Variants in NBPF14 observed in about 807,000 individuals in gnomAD.
NBPF14 encodes NBPF member 14, also known as NBPF family member NBPF14.
Under a neutral mutation model 91.2 loss-of-function variants are expected in NBPF14, and 104 were observed. That is an observed-to-expected ratio of 1.14 (90% CI 0.97 to 1.34). The LOEUF (loss-of-function observed/expected upper bound fraction) is 1.34. Among genes scored for constraint, NBPF14 ranks in the 40% most tolerant of loss-of-function variants. NBPF14 has a pLI of 0.00. For synonymous variants in NBPF14, 294 were observed against 303.8 expected (o/e 0.97, Z 0.34); for missense variants, 908 against 783.0 (o/e 1.16, Z -1.91).
chr1:148,560,558 A>C lies in NBPF14; in HGVS notation c.4556+26T>G, dbSNP rs1657683224. On this transcript the variant is annotated intron_variant, in intron 36 of 70. Coordinates refer to ENST00000619423, the Ensembl canonical transcript of NBPF14. ...TGCCTCCAGGTGTTAACACAGAATT[A>C]AGCATCCACAATTGCTGAAAGTCAC... 19 of 165,640 alleles carry C rather than the reference A, an allele frequency of 1.1e-4. No individual in the cohort carries two copies. In the African/African-American group the frequency reaches 2.6e-3, roughly 23 times the overall value. 10.3% of individuals were successfully genotyped at this position (165,640 alleles called of 1,614,324 possible).
chr1:148,551,861 G>A (rs1325078378), intron 47 of NBPF14, 115 bp downstream of exon 47: 6 of 6,860 alleles, frequency 8.7e-4, no homozygotes, highest in Admixed American at 9.2e-4. Flanking sequence ...GTGCCTATAG[G>A]TCCTCCCTGT....
At chr1:148,534,141 T>A (rs1361083155) in intron 69 of NBPF14, among the ~76,000 whole-genome samples, 172 bp from the exon 70 acceptor site, 1 of 146,206 alleles carries the variant, frequency 6.8e-6, no homozygotes, top group African/African-American at 2.5e-5. Context: ...AATTCCTCGG[T>A]TTTTCTCCCA....
chr1:148,533,714 T>G (rs2149466878), intron 70 of NBPF14, 147 bp downstream of exon 70: 1 of 709,332 alleles, frequency 1.4e-6, no homozygotes, highest in African/African-American at 1.8e-5. Context: ...AACCTAAACA[T>G]CTACTGCAAT....
In NBPF14 at chr1:148,568,934, G is replaced by C. The variant is rs1187658070; in HGVS notation, c.3265+321C>G. The stretch of plus-strand genomic sequence containing the variant: ...TTTTAGACGCTGAAATTAGAGTGAA[G>C]GATGAAATCTACGAGATCTACAAAA... On this transcript the variant is annotated intron_variant, in intron 25 of 70. Transcript: ENST00000619423. Among the ~76,000 whole-genome samples, 177 of 147,032 alleles carry C rather than the reference G, an allele frequency of 1.2e-3. 1 individual carries two copies. The highest frequency in any genetic ancestry group is 4.2e-3 in the African/African-American group (168 of 40,298).
Position 148,558,180 on chromosome 1 carries a change from C to A in NBPF14, c.4954+72G>T. On this transcript the variant is annotated intron_variant, in intron 39 of 70. Transcript: ENST00000619423. ...ACGTCTCTCGGGTCAGTAAGGGGCA[C>A]TTGGAACAGGAATATCACCCCTATC... 9.2e-6 allele frequency: 2 copies of A among 217,718 alleles called. 1 individual carries two copies. The highest frequency in any genetic ancestry group is 5.3e-5 in the South Asian group (2 of 37,912). The allele number at this position is 217,718 out of a possible 1,614,324, so 13.5% of individuals were successfully genotyped here. A position where few individuals can be genotyped will look rare whatever the true frequency, so the allele number is the denominator to read the frequency against.
chr1:148,534,733 A>T, exon 69 of NBPF14: 3 of 833,088 alleles, frequency 3.6e-6, no homozygotes, highest in Non-Finnish European at 4.2e-6. Context: ...ATGAGTAAAC[A>T]GCACTGCTGT....
chr1:148,566,644 G>A lies in NBPF14; in HGVS notation c.3542+308C>T, dbSNP rs1360489594. 1.4e-5 allele frequency among the ~76,000 whole-genome samples: 2 copies of A among 138,254 alleles called. 1 individual carries two copies. Among genetic ancestry groups the A allele is most frequent in the African/African-American group, 5.2e-5 (2 of 38,102 alleles). 90.7% of individuals were successfully genotyped at this position (138,254 alleles called of 152,430 possible). The stretch of plus-strand genomic sequence containing the variant: ...TGAGTTAGTGCCCTCAGGACACACA[G>A]CATACAGGGATCATGAAAAGACTGT... On this transcript the variant is annotated intron_variant, in intron 28 of 70. Coordinates refer to ENST00000619423, the Ensembl canonical transcript of NBPF14.
chr1:148,559,839 A>G, exon 37 of NBPF14: 1 of 1,531,400 alleles, frequency 6.5e-7, no homozygotes, highest in Non-Finnish European at 8.7e-7. Context: ...CCAATATGTA[A>G]AAGGCACTTC....
In NBPF14 at chr1:148,566,290, C is replaced by G. The variant is rs1422870475; in HGVS notation, c.3568G>C (p.Val1190Leu). 13 of 681,592 alleles carry G rather than the reference C, an allele frequency of 1.9e-5. 1 individual carries two copies. Among genetic ancestry groups the G allele is most frequent in the African/African-American group, 1.1e-4 (5 of 44,862 alleles). 42.2% of individuals were successfully genotyped at this position (681,592 alleles called of 1,614,324 possible). Residue 1190 changes from valine to leucine, a missense_variant, in exon 29 of 71, where the codon GTA (valine) becomes CTA (leucine). Physicochemically the swap from Val to Leu is conservative, Grantham distance 32. Transcript: ENST00000619423. ...GAGTCCTGCAAGACTTCAGGCTCTA[C>G]TACCTCCAGCAGCTCCCTGCTGAGC...
At chr1:148,534,552 C>T (rs1326761265) in intron 69 of NBPF14, 132 bp downstream of exon 69, 2 of 721,476 alleles carry the variant, frequency 2.8e-6, no homozygotes, top group Non-Finnish European at 5.1e-6. Flanking sequence ...TTCATTACAA[C>T]CTATATGCGC....
At chr1:148,590,483 A>C (rs1662305806) in intron 6 of NBPF14, among the ~76,000 whole-genome samples, 1 of 108,178 alleles carries the variant, frequency 9.2e-6, no homozygotes, top group East Asian at 2.4e-4. Context: ...AGTTGGGACT[A>C]TAGGCGTGCA....
intron 69 of NBPF14, among the ~76,000 whole-genome samples, chr1:148,534,248 AACGTAAAGCAAATACCCTCAATG>A (rs1475630545): frequency 6.6e-6 from 1 of 151,508 alleles, no homozygotes; most frequent in African/African-American, 2.4e-5. Context: ...TTTTCCAATC[AACGTAAAGCAAATACCCTCAATG>A]ATTTCTAGGA....
intron 13 of NBPF14, 145 bp from the exon 14 acceptor site, chr1:148,578,179 G>A (rs1660309708): frequency 9.5e-6 from 7 of 740,374 alleles, no homozygotes; most frequent in South Asian, 4.3e-5. Flanking sequence ...GTAGGCCTGA[G>A]GTCAAGTCTT....
chr1:148,554,652 GC>G (rs1656397637), intron 43 of NBPF14, among the ~76,000 whole-genome samples: 2 of 146,238 alleles, frequency 1.4e-5, no homozygotes, highest in Admixed American at 6.7e-5. Flanking sequence ...TAAAGCAAAT[GC>G]CCCCAAATGG....
Position 148,534,670 on chromosome 1 carries a change from A to T in NBPF14, c.8614+14T>A. On this transcript the variant is annotated intron_variant, in intron 69 of 70. Coordinates refer to ENST00000619423, the Ensembl canonical transcript of NBPF14. ...CCAGGTGGAGGCTTATCACCTTCAT[A>T]GTAAGGTACTCACTGTCCACGTCAA... The T allele has an allele frequency of 1.2e-6, 1 of 804,562 alleles. No individual in the cohort carries two copies. Among genetic ancestry groups the T allele is most frequent in the South Asian group, 1.4e-5 (1 of 74,058 alleles). The allele number at this position is 804,562 out of a possible 1,614,324, so 49.8% of individuals were successfully genotyped here.
rs1367828751 is a variant in NBPF14, at chr1:148,534,467, G to T, written c.8614+217C>A. 3.3e-5 allele frequency among the ~76,000 whole-genome samples: 5 copies of T among 151,720 alleles called. No individual in the cohort carries two copies. In the East Asian group the frequency reaches 5.8e-4, roughly 18 times the overall value. On this transcript the variant is annotated intron_variant, in intron 69 of 70. Transcript: ENST00000619423. ...TGAGAATAGGATCAGGGCGCCACAG[G>T]TATGGCCTGAGACTAGGAAGAGAGT...
At chr1:148,559,693 A>C in intron 37 of NBPF14, 100 bp downstream of exon 37, 2 of 695,864 alleles carry the variant, frequency 2.9e-6, no homozygotes, top group Non-Finnish European at 2.4e-6. Flanking sequence ...TCCCTGTGGC[A>C]ATGACATCTC....
rs1279679376 is a variant in NBPF14 at position 148,593,884 on chromosome 1, T to C, written c.176-184A>G. ...CTTTCTGGCATCTGATCCTCCAAAA[T>C]TTAAAGACGAAGAAAGAGAAACTCA... On this transcript the variant is annotated intron_variant, in intron 2 of 70. Coordinates refer to ENST00000619423, the Ensembl canonical transcript of NBPF14. 8.0e-5 allele frequency among the ~76,000 whole-genome samples: 12 copies of C among 149,754 alleles called. No homozygotes were observed. The South Asian group carries it at 2.3e-3, about 29-fold the overall frequency.
rs1480115038 is a variant in NBPF14, at chr1:148,566,335, T to A, written c.3543-20A>T. The A allele has an allele frequency of 6.5e-6, 5 of 774,420 alleles. 1 individual carries two copies. The highest frequency in any genetic ancestry group is 5.6e-5 in the East Asian group (2 of 35,964). 48.0% of individuals were successfully genotyped at this position (774,420 alleles called of 1,614,324 possible). ...CTGAGCCTGGAAAAGGAGGAAAAGG[T>A]AAAGAATAAGCCAGGGGAAATCAGA... On this transcript the variant is annotated intron_variant, in intron 28 of 70. Transcript: ENST00000619423.
Sources: gnomAD v4.1 joint callset for allele counts (sites outside exome capture counted in the v4.1 genomes callset) on GRCh38, gnomAD v4.1.1 for gene constraint, MANE v1.5 for transcripts, NCBI Gene and HGNC (gene_info 2026-07-23, HGNC 2026-07-21) for gene names.